The following RGS12 variants were observed in gnomAD, a reference collection of about 807,000 sequenced individuals.
RGS12 encodes the protein regulator of G-protein signaling 12.
A neutral mutation model predicts 120.1 loss-of-function variants in RGS12; 66 were observed. The observed-to-expected ratio is 0.55, with a 90% CI of 0.45 to 0.67. The LOEUF is 0.67. Ranked by LOEUF, RGS12 falls within the 30% of genes least tolerant of loss-of-function variation. RGS12 has a pLI of 0.00. For missense variants in RGS12, 1,859 were observed against 1,957.7 expected, an observed-to-expected ratio of 0.95 and a Z score of 0.95; for synonymous variants, 827 against 804.7, an observed-to-expected ratio of 1.03 and a Z score of -0.47.
chr4:3,422,443 C>T lies in RGS12; in HGVS notation c.2906C>T (p.Pro969Leu). ...ACCAAGCACTGCTGCATTCATCTCC[C>T]GGATGGGACATCCTGCGTGGTGGCT... is the stretch of plus-strand genomic sequence containing the variant. ...KATKHCCIHL[P>L]DGTSCVVAVK... The change falls in exon 11 of 18, where the codon CCG becomes CTG. Residue 969 changes from proline (P) to leucine (L), a missense_variant. Transcript: ENST00000336727. 1.2e-6 allele frequency: 2 copies of T among 1,613,154 alleles called. No homozygotes were observed. The highest frequency in any genetic ancestry group is 1.7e-6 in the Non-Finnish European group (2 of 1,179,978).
intron 1 of RGS12, among the ~76,000 whole-genome samples, chr4:3,313,718 G>A (rs1214304332): frequency 6.6e-6 from 1 of 152,092 alleles, no homozygotes; most frequent in Non-Finnish European, 1.5e-5. Flanking sequence ...GCCTGGGCTC[G>A]AGACCCATCC....
intron 17 of RGS12, chr4:3,432,088 C>G (rs1346412426): frequency 1.0e-6 from 1 of 985,350 alleles, no homozygotes; most frequent in Non-Finnish European, 1.2e-6. Flanking sequence ...GAGTCCCCCT[C>G]CATCCGTCTT....
intron 17 of RGS12, 158 bp downstream of exon 17, chr4:3,431,113 G>A (rs1348833874): frequency 1.4e-6 from 2 of 1,438,308 alleles, no homozygotes; most frequent in Admixed American, 5.5e-5. Flanking sequence ...GGCCCTCTTG[G>A]AAAGGAGGGG....
chr4:3,292,748 G>A (rs912637528), upstream of RGS12, among the ~76,000 whole-genome samples: 8 of 152,214 alleles, frequency 5.3e-5, no homozygotes, highest in Admixed American at 2.0e-4. Context: ...GGTACACACC[G>A]TGCGCACCAG....
intron 17 of RGS12, 49 bp downstream of exon 17, chr4:3,431,004 G>A: frequency 6.3e-6 from 10 of 1,591,402 alleles, no homozygotes; most frequent in Non-Finnish European, 7.7e-6. Context: ...AGCGTGGTCT[G>A]CTCAGCTTCC....
rs560079066 is a variant in RGS12 at position 3,433,045 on chromosome 4, C to G, written c.4114+2090C>G. 6.6e-6 allele frequency among the ~76,000 whole-genome samples: 1 copy of G among 152,344 alleles called. No homozygotes were observed. Among genetic ancestry groups the G allele is most frequent in the South Asian group, 2.1e-4 (1 of 4,830 alleles). ...ATGGGATTCTCTGTATTGGAGAGTT[C>G]ACCTGCCCATGGCGGCAAAGGAAAC... On this transcript the variant is annotated intron_variant, in intron 17 of 17. Transcript: ENST00000336727. The surrounding 1 kb of genome is among the most constrained non-coding windows in gnomAD (Gnocchi z 4.4).
intron 13 of RGS12, chr4:3,423,851 C>T (rs1296502233): frequency 1.2e-5 from 7 of 590,300 alleles, no homozygotes; most frequent in Middle Eastern, 4.8e-4. Context: ...GTACCTTGGT[C>T]ATTCCAAAAA....
intron 17 of RGS12, chr4:3,431,361 C>T (rs1458856479): frequency 2.9e-6 from 3 of 1,042,584 alleles, no homozygotes; most frequent in South Asian, 3.5e-5. Flanking sequence ...TAGCATTTGT[C>T]TTGAGTGAGG....
intron 4 of RGS12, among the ~76,000 whole-genome samples, chr4:3,403,889 A>G (rs982743995): frequency 1.3e-5 from 2 of 152,224 alleles, no homozygotes; most frequent in African/African-American, 2.4e-5. Context: ...AAAGGGGGCT[A>G]TTGACGTGGG....
At chr4:3,288,513 C>T (rs1285831004), upstream of RGS12, among the ~76,000 whole-genome samples, 2 of 152,142 alleles carry the variant, frequency 1.3e-5, no homozygotes, top group Non-Finnish European at 2.9e-5. The surrounding 1 kb of genome is among the most constrained non-coding windows in gnomAD (Gnocchi z 5.2). Context: ...TTGAGGTGGA[C>T]CTGGTCAAGC....
rs16844278 is a variant in RGS12 at position 3,406,681 on chromosome 4, G to T, written c.2021-7391G>T. On this transcript the variant is annotated intron_variant, in intron 4 of 17. Coordinates refer to ENST00000336727, the MANE Select transcript of RGS12 (RefSeq NM_001394154.1). ...GCTGGGCCTCACCTGTGGTGTTAGC[G>T]GATGTTTCCTAACCCTTGAACCAAG... Among the ~76,000 whole-genome samples, 1,487 of 152,308 alleles carry T rather than the reference G, an allele frequency of 9.8e-3. 28 individuals carry two copies. The highest frequency in any genetic ancestry group is 0.034 in the African/African-American group (1,404 of 41,558).
Position 3,416,948 on chromosome 4 carries a change from C to T in RGS12, c.2463C>T (p.Arg821=), listed in dbSNP as rs929454876. Reference sequence around the variant, plus strand: ...TCATGAAGTTTGATAGCTACACTCGCTTTCTGAAGTCCCCGCTGTACCAGG... The same window carrying T: ...TCATGAAGTTTGATAGCTACACTCGTTTTCTGAAGTCCCCGCTGTACCAGG... The part of the protein sequence containing the change: ...FNLMKFDSYT[R]FLKSPLYQEC... Residue 821 remains arginine (R), a synonymous_variant, in exon 8 of 18, where the codon CGC becomes CGT. Coordinates refer to ENST00000336727, the MANE Select transcript of RGS12 (RefSeq NM_001394154.1). 3.7e-6 allele frequency: 6 copies of T among 1,610,020 alleles called. No individual in the cohort carries two copies. Among genetic ancestry groups the T allele is most frequent in the Non-Finnish European group, 5.1e-6 (6 of 1,176,858 alleles).
At chr4:3,302,728 T>C (rs986574552) in intron 1 of RGS12, among the ~76,000 whole-genome samples, 1 of 152,174 alleles carries the variant, frequency 6.6e-6, no homozygotes, top group South Asian at 2.1e-4. Context: ...GGGCCCCTGC[T>C]CTGTGGCTAG....
chr4:3,412,519 G>C (rs933334292), intron 4 of RGS12, among the ~76,000 whole-genome samples: 3 of 152,246 alleles, frequency 2.0e-5, no homozygotes, highest in African/African-American at 7.2e-5. Context: ...GAGCCCATCA[G>C]CTCGTCCGCT....
At chr4:3,339,951 G>A (rs1712875718) in intron 2 of RGS12, among the ~76,000 whole-genome samples, 2 of 152,320 alleles carry the variant, frequency 1.3e-5, no homozygotes, top group Admixed American at 6.5e-5. Flanking sequence ...ATCTCACAAA[G>A]CCATGGGTTC....
chr4:3,295,532 C>T (rs188474716), intron 1 of RGS12, among the ~76,000 whole-genome samples: 154 of 152,060 alleles, frequency 1.0e-3, no homozygotes, highest in Middle Eastern at 6.8e-3. Flanking sequence ...TGGTGGCAGA[C>T]GCCTGTAATC....
At chr4:3,350,295 A>G (rs1373341634) in intron 3 of RGS12, among the ~76,000 whole-genome samples, 1 of 152,274 alleles carries the variant, frequency 6.6e-6, no homozygotes, top group African/African-American at 2.4e-5. Context: ...CTCTCTGACC[A>G]GTAAAGCTGG....
At chr4:3,364,226 C>T (rs1279805036) in intron 3 of RGS12, among the ~76,000 whole-genome samples, 1 of 152,216 alleles carries the variant, frequency 6.6e-6, no homozygotes, top group Admixed American at 6.5e-5. Flanking sequence ...CACCATCCGA[C>T]ACTAGCACCG....
In RGS12 at chr4:3,317,618, G is replaced by T. The variant is rs755718991; in HGVS notation, c.1448G>T (p.Ser483Ile). Residue 483 changes from serine to isoleucine, a missense_variant, in exon 2 of 18, where the codon AGC (serine) becomes ATC (isoleucine). Ser to Ile is a moderately radical substitution (Grantham distance 142). This residue lies in a region of RGS12 where 967 missense variants were observed against 994.2 expected (regional missense o/e 0.97). Transcript: ENST00000336727. ...CCCTTCTGTCCGGACCCCGAAGGGA[G>T]CCCCCCATTTGAGGCCGCTCATCAG... ...TGPFCPDPEGSPPFEAAHQTD... is the reference protein window; with the variant it reads ...TGPFCPDPEGIPPFEAAHQTD... The T allele has an allele frequency of 1.3e-6, 2 of 1,586,222 alleles. No homozygotes were observed. Among genetic ancestry groups the T allele is most frequent in the Non-Finnish European group, 1.7e-6 (2 of 1,164,994 alleles).
Sources: allele counts gnomAD v4.1 joint callset (sites outside exome capture counted in the v4.1 genomes callset), GRCh38; gene constraint gnomAD v4.1.1; regional missense constraint gnomAD v4.1.1; non-coding constraint Gnocchi (gnomAD v3.1); transcripts MANE v1.5; gene names NCBI Gene and HGNC (gene_info 2026-07-23, HGNC 2026-07-21).